The following MALRD1 variants were observed in gnomAD, a reference collection of about 807,000 sequenced individuals.
The protein encoded by MALRD1 is MAM and LDL-receptor class A domain-containing protein 1.
A neutral mutation model predicts 242.1 loss-of-function variants in MALRD1; 247 were observed. The observed-to-expected ratio is 1.02, with a 90% CI of 0.92 to 1.13. MALRD1 has a LOEUF of 1.13. Ranked by LOEUF, MALRD1 falls within the 50% of genes most tolerant of loss-of-function variation. The probability of loss-of-function intolerance (pLI) is 0.00; values close to 1 mark genes in which losing one functional copy is unlikely to be tolerated. For synonymous variants in MALRD1, 995 were observed against 866.6 expected (o/e 1.15, Z -2.60); for missense variants, 2,989 against 2,533.1 (o/e 1.18, Z -3.86).
At chr10:19,472,259 T>A (rs538148710) in intron 29 of MALRD1, among the ~76,000 whole-genome samples, 18 of 152,186 alleles carry the variant, frequency 1.2e-4, no homozygotes, top group Middle Eastern at 3.4e-3. Flanking sequence ...TCACACTTGA[T>A]CAGGGTATAT....
intron 38 of MALRD1, among the ~76,000 whole-genome samples, chr10:19,693,758 G>A (rs1420490560): frequency 9.9e-5 from 15 of 152,136 alleles, no homozygotes; most frequent in East Asian, 7.7e-4. Flanking sequence ...AAAAGAGCCC[G>A]CATTGCCAAG....
Position 19,282,464 on chromosome 10 carries a change from C to T in MALRD1, c.3257-555C>T, listed in dbSNP as rs188490585. Among the ~76,000 whole-genome samples, 94 of 152,146 alleles carry T rather than the reference C, an allele frequency of 6.2e-4. 1 individual carries two copies. The highest frequency in any genetic ancestry group is 1.9e-3 in the Admixed American group (29 of 15,262). On this transcript the variant is annotated intron_variant, in intron 20 of 39. Transcript: ENST00000454679. ...AAGATTTTAGACACATGAACACATT[C>T]GGAGAGAGAATTCAGATAACAGTTT... is the stretch of plus-strand genomic sequence containing the variant.
chr10:19,593,900 A>C (rs138893317), intron 33 of MALRD1, among the ~76,000 whole-genome samples: 3 of 152,332 alleles, frequency 2.0e-5, no homozygotes, highest in African/African-American at 7.2e-5. Context: ...TTCCTAATGC[A>C]ACGTCTTAGA....
chr10:19,651,637 C>T (rs1296341015), intron 36 of MALRD1, among the ~76,000 whole-genome samples: 2 of 152,158 alleles, frequency 1.3e-5, no homozygotes, highest in African/African-American at 4.8e-5. Context: ...ATAAAGAAGG[C>T]AATTATCCAA....
chr10:19,389,925 G>A (rs749667537), intron 28 of MALRD1, among the ~76,000 whole-genome samples: 1 of 152,138 alleles, frequency 6.6e-6, no homozygotes, highest in Non-Finnish European at 1.5e-5. Context: ...ACCTCTCAAA[G>A]TGCTGGGACT....
At chr10:19,368,871 ATGTGTGTGTGTGTGTGTGTTTGTGTGTG>A (rs1845229388) in intron 26 of MALRD1, among the ~76,000 whole-genome samples, 1 of 141,806 alleles carries the variant, frequency 7.1e-6, no homozygotes, top group Non-Finnish European at 1.5e-5. Context: ...TGATTTGTGT[ATGTGTGTGTGTGTGTGTGTTTGTGTGTG>A]TGTGTGTGTG....
chr10:19,327,930 C>A (rs1463870653), intron 23 of MALRD1, among the ~76,000 whole-genome samples: 11 of 152,082 alleles, frequency 7.2e-5, no homozygotes, highest in African/African-American at 2.7e-4. Context: ...CCTTCACTCC[C>A]CAGTCAGCCT....
At chr10:19,714,800 A>G (rs1707263646) in intron 38 of MALRD1, among the ~76,000 whole-genome samples, 1 of 152,118 alleles carries the variant, frequency 6.6e-6, no homozygotes, top group African/African-American at 2.4e-5. Context: ...ATGGCCTACA[A>G]GGTGTGTGGG....
At position 19,205,022 on chromosome 10, in the gene MALRD1, AT is replaced by A; in HGVS notation, c.2337del (p.Gln780SerfsTer2). The A allele has an allele frequency of 1.9e-6, 3 of 1,550,890 alleles. No individual in the cohort carries two copies. The South Asian group carries it at 3.6e-5, about 18-fold the overall frequency. ...NQGKQWLEATIQLGRLSQPFH... is the reference protein window; with the variant it reads ...NQGKQWLEATXQLGRLSQPFH... ...GGGCAAACAATGGTTGGAGGCAACC[AT>A]TCAGCTAGGGCGCCTTTCGCAGCCC... On this transcript the variant is annotated frameshift_variant, in exon 17 of 40. Coordinates refer to ENST00000454679, the MANE Select transcript of MALRD1 (RefSeq NM_001142308.3). LOFTEE classifies it high-confidence loss of function.
At chr10:19,561,935 A>G (rs1348962077) in intron 32 of MALRD1, among the ~76,000 whole-genome samples, 1 of 152,142 alleles carries the variant, frequency 6.6e-6, no homozygotes, top group African/African-American at 2.4e-5. Flanking sequence ...TGTTCTTGGT[A>G]TGTTTCAAAA....
intron 18 of MALRD1, among the ~76,000 whole-genome samples, chr10:19,218,655 G>A (rs1040678112): frequency 2.6e-5 from 4 of 152,040 alleles, no homozygotes; most frequent in Admixed American, 6.6e-5. Flanking sequence ...TATTCTACAG[G>A]TAGAGAAATT....
chr10:19,176,541 A>AT (rs1835255315), intron 14 of MALRD1, among the ~76,000 whole-genome samples: 1 of 146,302 alleles, frequency 6.8e-6, no homozygotes, highest in African/African-American at 2.5e-5. Context: ...CGCCCGGCTA[A>AT]TTTTTTGTAT....
intron 36 of MALRD1, 79 bp downstream of exon 36, chr10:19,616,002 G>C (rs1227382317): frequency 3.0e-6 from 3 of 993,752 alleles, no homozygotes; most frequent in Non-Finnish European, 4.5e-6. Flanking sequence ...TGATATAATA[G>C]AGCATCAATC....
chr10:19,543,889 T>C (rs1835092640), intron 32 of MALRD1, among the ~76,000 whole-genome samples: 1 of 152,138 alleles, frequency 6.6e-6, no homozygotes, highest in Non-Finnish European at 1.5e-5. Flanking sequence ...CTGGCCCAAA[T>C]AAACTCTCTA....
chr10:19,394,163 C>G (rs897326787), intron 28 of MALRD1, among the ~76,000 whole-genome samples: 81 of 152,248 alleles, frequency 5.3e-4, no homozygotes, highest in African/African-American at 1.9e-3. Context: ...ATATAGCAAC[C>G]TAGTTATGCT....
chr10:19,226,375 C>T (rs1837801127), intron 18 of MALRD1, among the ~76,000 whole-genome samples: 1 of 152,134 alleles, frequency 6.6e-6, no homozygotes, highest in Non-Finnish European at 1.5e-5. Flanking sequence ...AAACATCTTA[C>T]TTAAAATGGT....
At chr10:19,499,220 T>G (rs998873476) in intron 31 of MALRD1, among the ~76,000 whole-genome samples, 2 of 152,182 alleles carry the variant, frequency 1.3e-5, no homozygotes, top group African/African-American at 4.8e-5. Flanking sequence ...GGAGTAAGCT[T>G]GTAATCTTAT....
intron 18 of MALRD1, among the ~76,000 whole-genome samples, chr10:19,224,885 T>C (rs1222481412): frequency 6.6e-6 from 1 of 152,194 alleles, no homozygotes; most frequent in African/African-American, 2.4e-5. Flanking sequence ...CCACTGCTTT[T>C]GGTGTTTTAG....
chr10:19,529,018 C>T (rs1461332425), intron 31 of MALRD1, among the ~76,000 whole-genome samples: 1 of 152,194 alleles, frequency 6.6e-6, no homozygotes, highest in African/African-American at 2.4e-5. Flanking sequence ...TGAGAGATAA[C>T]AGTGTCATGA....
Sources: gnomAD v4.1 joint callset for allele counts (sites outside exome capture counted in the v4.1 genomes callset) on GRCh38, gnomAD v4.1.1 for gene constraint, MANE v1.5 for transcripts, NCBI Gene and HGNC (gene_info 2026-07-23, HGNC 2026-07-21) for gene names.